Variants in PTPRG observed in about 807,000 individuals in gnomAD.
The protein encoded by PTPRG is receptor-type tyrosine-protein phosphatase gamma.
In PTPRG, 102 loss-of-function variants were observed where a neutral mutation model predicts 165.3. The observed-to-expected ratio is 0.62, with a 90% CI of 0.53 to 0.73. The LOEUF (loss-of-function observed/expected upper bound fraction) is 0.73, where lower values mean the gene tolerates loss of function less well. Among genes scored for constraint, PTPRG ranks in the 30% least tolerant of loss-of-function variants. PTPRG has a pLI of 0.00. For missense variants in PTPRG, 1,866 were observed against 1,861.4 expected, an observed-to-expected ratio of 1.00 and a Z score of -0.05; for synonymous variants, 675 against 669.5, an observed-to-expected ratio of 1.01 and a Z score of -0.13.
chr3:61,634,469 A>T (rs1483425939), intron 1 of PTPRG, among the ~76,000 whole-genome samples: 2 of 151,428 alleles, frequency 1.3e-5, no homozygotes, highest in African/African-American at 4.9e-5. Context: ...CGAACTCCTG[A>T]CCTCACGATC....
At chr3:62,061,616 C>A (rs1052433519) in intron 4 of PTPRG, among the ~76,000 whole-genome samples, 2 of 145,038 alleles carry the variant, frequency 1.4e-5, no homozygotes, top group Non-Finnish European at 3.0e-5. Context: ...CATTACTTGG[C>A]TTTCTCTTTT....
At chr3:61,676,475 G>GAA (rs1449412859) in intron 1 of PTPRG, among the ~76,000 whole-genome samples, 3 of 64,054 alleles carry the variant, frequency 4.7e-5, no homozygotes, top group Admixed American at 3.5e-4. Flanking sequence ...AAAAAAAAAA[G>GAA]AAAATTACTA....
At chr3:62,124,734 T>C in intron 5 of PTPRG, 1 of 511,668 alleles carries the variant, frequency 2.0e-6, no homozygotes, top group Non-Finnish European at 3.5e-6. Flanking sequence ...TGGCTAATTT[T>C]TAAAATTCTT....
intron 1 of PTPRG, among the ~76,000 whole-genome samples, chr3:61,621,075 G>GTA (rs1333983419): frequency 1.3e-4 from 19 of 146,422 alleles, no homozygotes; most frequent in Middle Eastern, 6.9e-3. Flanking sequence ...GTGTGTGTGT[G>GTA]TGTATATTTA....
rs929784106 is a variant in PTPRG, at chr3:61,850,149, C to T, written c.190+101167C>T. On this transcript the variant is annotated intron_variant, in intron 2 of 29. Transcript: ENST00000474889. ...CTTAGGAAATATTTAATATCCTGTT[C>T]TTTTATTTATTTATTTTTATTTTTT... Among the ~76,000 whole-genome samples, 5 of 151,846 alleles carry T rather than the reference C, an allele frequency of 3.3e-5. No homozygotes were observed. The East Asian group carries it at 9.6e-4, about 29-fold the overall frequency.
At chr3:62,125,447 G>A (rs994522611) in intron 5 of PTPRG, among the ~76,000 whole-genome samples, 24 of 152,188 alleles carry the variant, frequency 1.6e-4, no homozygotes, top group Non-Finnish European at 4.4e-5. Flanking sequence ...AAGGGTGAGA[G>A]TTCACATCTA....
Position 61,638,004 on chromosome 3 carries a change from C to G in PTPRG, c.85+75632C>G, listed in dbSNP as rs1021371012. Among the ~76,000 whole-genome samples the G allele has an allele frequency of 3.9e-5, 6 of 152,156 alleles. No homozygotes were observed. In the East Asian group the frequency reaches 7.7e-4, roughly 20 times the overall value. On this transcript the variant is annotated intron_variant, in intron 1 of 29. Coordinates refer to ENST00000474889, the MANE Select transcript of PTPRG (RefSeq NM_002841.4). ...ACTTATCACTTGGAACTGTGACTCA[C>G]TTTTGGAATTTTAAGGACGTAATTA...
chr3:62,037,444 C>A (rs1489295723), intron 4 of PTPRG, among the ~76,000 whole-genome samples: 1 of 152,150 alleles, frequency 6.6e-6, no homozygotes, highest in African/African-American at 2.4e-5. Flanking sequence ...CCAACAGATG[C>A]CAGTAGCAGG....
chr3:61,821,095 T>A (rs1391441675), intron 2 of PTPRG, among the ~76,000 whole-genome samples: 1 of 152,216 alleles, frequency 6.6e-6, no homozygotes, highest in Non-Finnish European at 1.5e-5. Context: ...TGAGTTTAAC[T>A]TTTTCAATAA....
At chr3:61,598,191 A>G (rs1700752080) in intron 1 of PTPRG, among the ~76,000 whole-genome samples, 1 of 152,218 alleles carries the variant, frequency 6.6e-6, no homozygotes, top group African/African-American at 2.4e-5. Context: ...AATGTAACAC[A>G]TAATGTAGAG....
At chr3:62,163,914 G>A (rs1345646347) in intron 7 of PTPRG, among the ~76,000 whole-genome samples, 2 of 152,240 alleles carry the variant, frequency 1.3e-5, no homozygotes, top group Admixed American at 6.5e-5. Flanking sequence ...CCAGGTAGCA[G>A]GGGTAAGGGT....
chr3:62,032,726 C>T (rs1699810170), intron 4 of PTPRG, among the ~76,000 whole-genome samples: 1 of 152,144 alleles, frequency 6.6e-6, no homozygotes, highest in African/African-American at 2.4e-5. Flanking sequence ...GACAGGATTT[C>T]AGGAGTGACA....
intron 1 of PTPRG, among the ~76,000 whole-genome samples, chr3:61,706,618 C>T (rs1473707698): frequency 6.6e-6 from 1 of 151,890 alleles, no homozygotes; most frequent in Non-Finnish European, 1.5e-5. Flanking sequence ...CTCAGCCTCC[C>T]GAGTAGCTGG....
intron 2 of PTPRG, among the ~76,000 whole-genome samples, chr3:61,870,476 CTTTTTTTTT>C (rs869118813): frequency 0.014 from 248 of 17,964 alleles, 7 homozygotes; most frequent in Middle Eastern, 0.2. Context: ...CCACACCTAG[CTTTTTTTTT>C]TTTTTTTTTT....
At chr3:62,239,232 AGGG>A (rs1701100264) in intron 14 of PTPRG, among the ~76,000 whole-genome samples, 2 of 152,092 alleles carry the variant, frequency 1.3e-5, no homozygotes, top group Admixed American at 6.6e-5. Context: ...TCATTCAGGG[AGGG>A]TCTGTAAGGG....
At chr3:61,649,567 C>A (rs1399296806) in intron 1 of PTPRG, among the ~76,000 whole-genome samples, 1 of 152,164 alleles carries the variant, frequency 6.6e-6, no homozygotes, top group Non-Finnish European at 1.5e-5. Flanking sequence ...AAGGGAGGAG[C>A]CATCATGGCC....
At chr3:61,890,167 C>T (rs959628105) in intron 2 of PTPRG, among the ~76,000 whole-genome samples, 7 of 152,164 alleles carry the variant, frequency 4.6e-5, no homozygotes, top group African/African-American at 1.7e-4. Flanking sequence ...AGACTTGAAA[C>T]TCAATTATTA....
At chr3:61,598,832 T>A (rs1700767398) in intron 1 of PTPRG, among the ~76,000 whole-genome samples, 1 of 152,040 alleles carries the variant, frequency 6.6e-6, no homozygotes, top group Non-Finnish European at 1.5e-5. Context: ...CTTTTGACAT[T>A]CTTTGGCCCG....
In PTPRG at chr3:62,063,147, A is replaced by T. The variant is rs1007051168; in HGVS notation, c.520-15016A>T. On this transcript the variant is annotated intron_variant, in intron 4 of 29. Transcript: ENST00000474889. The stretch of plus-strand genomic sequence containing the variant: ...GATTTACCCCTGATCTTAGCACCCG[A>T]TGAGGCAGAGCTTGAACTTGAACTT... Among the ~76,000 whole-genome samples, 8 of 152,228 alleles carry T rather than the reference A, an allele frequency of 5.3e-5. No homozygotes were observed. The East Asian group carries it at 1.5e-3, about 29-fold the overall frequency.
Sources: allele counts gnomAD v4.1 joint callset (sites outside exome capture counted in the v4.1 genomes callset), GRCh38; gene constraint gnomAD v4.1.1; transcripts MANE v1.5; gene names NCBI Gene and HGNC (gene_info 2026-07-23, HGNC 2026-07-21).